CRTAC1: variants seen among roughly 807,000 people sequenced by gnomAD.
The protein encoded by CRTAC1 is acidic secreted protein in cartilage.
Under a neutral mutation model 67.8 loss-of-function variants are expected in CRTAC1, and 37 were observed. The ratio of observed to expected loss-of-function variants is 0.55; its 90% CI spans 0.42 to 0.72. The LOEUF (loss-of-function observed/expected upper bound fraction) is 0.72, where lower values mean the gene tolerates loss of function less well. Ranked by LOEUF, CRTAC1 falls within the 30% of genes least tolerant of loss-of-function variation. CRTAC1 has a pLI of 0.00. For synonymous variants in CRTAC1, 348 were observed against 371.0 expected (o/e 0.94, Z 0.71); for missense variants, 780 against 931.6 (o/e 0.84, Z 2.12).
At chr10:97,949,009 C>A (rs1335413560) in intron 2 of CRTAC1, among the ~76,000 whole-genome samples, 7 of 152,180 alleles carry the variant, frequency 4.6e-5, no homozygotes, top group Admixed American at 1.3e-4. Context: ...CCTCCCACAG[C>A]ACATGGAGAT....
intron 2 of CRTAC1, among the ~76,000 whole-genome samples, chr10:97,948,622 T>C (rs1169172000): frequency 6.6e-6 from 1 of 152,080 alleles, no homozygotes; most frequent in Non-Finnish European, 1.5e-5. Context: ...TACCAGCTGA[T>C]GGGTTGGGCC....
rs527402604 is a variant in CRTAC1 at position 97,952,684 on chromosome 10, T to A, written c.225-16318A>T. 3.3e-5 allele frequency among the ~76,000 whole-genome samples: 5 copies of A among 151,598 alleles called. No individual in the cohort carries two copies. The East Asian group carries it at 7.9e-4, about 24-fold the overall frequency. On this transcript the variant is annotated intron_variant, in intron 2 of 14. Coordinates refer to ENST00000370597, the MANE Select transcript of CRTAC1 (RefSeq NM_018058.7). ...TATGTTCACCAAAATGTGAGACCCA[T>A]CCCTGGTCCTTCCAATCTCATCAGG...
In CRTAC1 at chr10:97,909,417, T is replaced by A. The variant is rs138152906; in HGVS notation, c.716-1270A>T. Among the ~76,000 whole-genome samples the A allele has an allele frequency of 2.1e-3, 323 of 152,338 alleles. 4 individuals are homozygous for A. Among genetic ancestry groups the A allele is most frequent in the African/African-American group, 7.5e-3 (311 of 41,574 alleles). ...CTCTGTGACCCTGGGCAATTTACGT[T>A]ACCCTTGAGCCTCAGTTTCCTCATT... On this transcript the variant is annotated intron_variant, in intron 5 of 14. Transcript: ENST00000370597.
intron 11 of CRTAC1, among the ~76,000 whole-genome samples, chr10:97,889,898 T>C (rs1475472220): frequency 1.3e-5 from 2 of 152,128 alleles, no homozygotes; most frequent in Non-Finnish European, 2.9e-5. Flanking sequence ...AGGCAGGCCT[T>C]TCTCAGATTC....
At chr10:97,874,751 T>C (rs1052098451) in intron 14 of CRTAC1, among the ~76,000 whole-genome samples, 1 of 152,072 alleles carries the variant, frequency 6.6e-6, no homozygotes, top group East Asian at 1.9e-4. Flanking sequence ...AAAACTGAGG[T>C]TCAAAGACAC....
intron 2 of CRTAC1, among the ~76,000 whole-genome samples, chr10:97,981,938 T>G (rs2051898660): frequency 6.6e-6 from 1 of 152,238 alleles, no homozygotes; most frequent in Non-Finnish European, 1.5e-5. Flanking sequence ...AATTACTGGT[T>G]ATGATTATTT....
At chr10:97,955,211 G>A (rs2051421805) in intron 2 of CRTAC1, among the ~76,000 whole-genome samples, 1 of 152,198 alleles carries the variant, frequency 6.6e-6, no homozygotes, top group African/African-American at 2.4e-5. Flanking sequence ...CAGAGGTTTT[G>A]GGTCTGTGTC....
intron 5 of CRTAC1, among the ~76,000 whole-genome samples, chr10:97,909,721 T>C (rs1163079554): frequency 2.6e-5 from 4 of 152,142 alleles, no homozygotes; most frequent in Non-Finnish European, 4.4e-5. Flanking sequence ...CCAAAGGAAA[T>C]GAAATCAGTG....
intron 2 of CRTAC1, among the ~76,000 whole-genome samples, chr10:98,002,274 A>G (rs1842705141): frequency 6.6e-6 from 1 of 152,218 alleles, no homozygotes. Flanking sequence ...TAATTATATC[A>G]CTATTTTTGA....
In CRTAC1 at chr10:97,923,250, G is replaced by A. The variant is rs892980944; in HGVS notation, c.558+14C>T. ...GTGGCTTCTCCCCAGGACCCCATGT[G>A]CCCCTGCACTCACCTTTCTGTCCAC... On this transcript the variant is annotated intron_variant, in intron 4 of 14. Transcript: ENST00000370597. The A allele has an allele frequency of 5.0e-6, 8 of 1,613,700 alleles. No homozygotes were observed. The highest frequency in any genetic ancestry group is 1.3e-5 in the African/African-American group (1 of 74,936).
intron 5 of CRTAC1, among the ~76,000 whole-genome samples, chr10:97,915,176 G>A (rs995149426): frequency 1.3e-4 from 20 of 152,368 alleles, no homozygotes; most frequent in African/African-American, 4.6e-4. Context: ...TCATCCCAGT[G>A]GGTGTGGGCC....
rs933349227 is a variant in CRTAC1, at chr10:97,927,959, G to A, written c.422-4559C>T. Among the ~76,000 whole-genome samples the A allele has an allele frequency of 7.9e-5, 12 of 152,326 alleles. No homozygotes were observed. The East Asian group carries it at 2.3e-3, about 29-fold the overall frequency. On this transcript the variant is annotated intron_variant, in intron 3 of 14. Transcript: ENST00000370597. ...CTGCATAAAAGCTGCACTCTGCCCT[G>A]GGGTCCCTCATGAGAGGGTGGGGGC...
intron 7 of CRTAC1, 101 bp from the exon 8 acceptor site, chr10:97,901,740 G>T: frequency 6.9e-7 from 1 of 1,444,526 alleles, no homozygotes; most frequent in Non-Finnish European, 9.5e-7. Flanking sequence ...ATAAGAGACA[G>T]TCCAACCCAA....
intron 2 of CRTAC1, among the ~76,000 whole-genome samples, chr10:97,990,424 T>C (rs1390832304): frequency 6.6e-6 from 1 of 152,240 alleles, no homozygotes; most frequent in Admixed American, 6.5e-5. Context: ...TTACATTTTA[T>C]ATATCACCTC....
intron 5 of CRTAC1, among the ~76,000 whole-genome samples, chr10:97,912,385 G>A (rs117227024): frequency 0.01 from 1,592 of 152,238 alleles, 12 homozygotes; most frequent in Non-Finnish European, 0.016. Flanking sequence ...GAGTTAGAGG[G>A]GAAAATGCCC....
Position 98,011,246 on chromosome 10 carries a change from G to A in CRTAC1, c.116C>T (p.Thr39Ile). ...ATAGTCAGGAGGCAGAACTGAGTTG[G>A]TGACTGCAGTGAACATGGGTTCAGC... ...QRAEPMFTAV[T>I]NSVLPPDYDS... The change falls in exon 2 of 15, where the codon ACC becomes ATC. Residue 39 changes from threonine to isoleucine, a missense_variant. Coordinates refer to ENST00000370597, the MANE Select transcript of CRTAC1 (RefSeq NM_018058.7). The A allele has an allele frequency of 6.2e-7, 1 of 1,614,190 alleles. No homozygotes were observed. Among genetic ancestry groups the A allele is most frequent in the Non-Finnish European group, 8.5e-7 (1 of 1,180,020 alleles).
intron 2 of CRTAC1, among the ~76,000 whole-genome samples, chr10:97,968,530 G>A (rs574182321): frequency 2.0e-5 from 3 of 152,154 alleles, no homozygotes; most frequent in African/African-American, 4.8e-5. Context: ...GAGCCACCAC[G>A]CCCAGCTTGC....
chr10:97,920,856 A>G (rs2050826675), intron 4 of CRTAC1, among the ~76,000 whole-genome samples: 1 of 152,224 alleles, frequency 6.6e-6, no homozygotes, highest in African/African-American at 2.4e-5. Context: ...ATAAACAATG[A>G]GGCATAATCA....
chr10:97,890,499 TG>T (rs2050354252), intron 11 of CRTAC1, among the ~76,000 whole-genome samples: 2 of 152,184 alleles, frequency 1.3e-5, no homozygotes, highest in Non-Finnish European at 2.9e-5. Context: ...CCAAGAAATA[TG>T]TGTCTGTAAG....
Sources: gnomAD v4.1 joint callset for allele counts (sites outside exome capture counted in the v4.1 genomes callset) on GRCh38, gnomAD v4.1.1 for gene constraint, MANE v1.5 for transcripts, NCBI Gene and HGNC (gene_info 2026-07-23, HGNC 2026-07-21) for gene names.